The following UQCR10 variants were observed in gnomAD, a reference collection of about 807,000 sequenced individuals.
UQCR10 encodes ubiquinol-cytochrome c reductase, complex III subunit X, also known as cytochrome b-c1 complex subunit 9.
UQCR10 carries 5 observed loss-of-function variants against 6.0 expected under a neutral mutation model. That is an observed-to-expected ratio of 0.83 (90% CI 0.43 to 1.74). The LOEUF (loss-of-function observed/expected upper bound fraction) is 1.74. UQCR10 is among the 40% of genes most tolerant of loss of function. UQCR10 has a pLI of 0.02. For synonymous variants in UQCR10, 40 were observed against 37.4 expected, an observed-to-expected ratio of 1.07 and a Z score of -0.26; for missense variants, 101 against 85.1, an observed-to-expected ratio of 1.19 and a Z score of -0.74.
At position 29,767,485 on chromosome 22, in the gene UQCR10, C is replaced by T; in HGVS notation, c.87C>T (p.Val29=). 1 of 1,614,020 alleles carries T rather than the reference C, an allele frequency of 6.2e-7. No homozygotes were observed. ...TCGCCCTCACCATCATCGTGGGCGT[C>T]ATGTTCTTCGAGCGCGCCTTCGATC... ...STFALTIIVG[V]MFFERAFDQG... The change falls in exon 1 of 2, where the codon GTC becomes GTT. Residue 29 remains valine, a synonymous_variant. Coordinates refer to ENST00000330029, the MANE Select transcript of UQCR10 (RefSeq NM_013387.4).
rs1417655407 is a variant in UQCR10, at chr22:29,770,204, C to G, written c.*485C>G. The G allele has an allele frequency of 5.6e-6, 2 of 354,298 alleles. No homozygotes were observed. The highest frequency in any genetic ancestry group is 2.1e-5 in the African/African-American group (1 of 46,678). The allele number at this position is 354,298 out of a possible 1,614,324, so 21.9% of individuals were successfully genotyped here. A position where few individuals can be genotyped will look rare whatever the true frequency, so the allele number is the denominator to read the frequency against. On this transcript the variant is annotated 3_prime_UTR_variant, in exon 2 of 2. Transcript: ENST00000330029. Reference sequence around the variant, plus strand: ...CCATGGGGAAGCACTATGGCCTCAGCTGGGGGAAAGACCCTGGCCTAGGGG... The same window carrying G: ...CCATGGGGAAGCACTATGGCCTCAGGTGGGGGAAAGACCCTGGCCTAGGGG...
Position 29,767,407 on chromosome 22 carries a change from C to G in UQCR10, c.9C>G (p.Ala3=). MA[A]ATLTSKLYSL... Reference sequence around the variant, plus strand: ...TTGGACTGTGAAGAAACATGGCGGCCGCGACGTTGACTTCGAAATTGTACT... The same window carrying G: ...TTGGACTGTGAAGAAACATGGCGGCGGCGACGTTGACTTCGAAATTGTACT... The change falls in exon 1 of 2, where the codon GCC becomes GCG. Residue 3 remains alanine, a synonymous_variant. Transcript: ENST00000330029. 3.1e-6 allele frequency: 5 copies of G among 1,612,860 alleles called. No individual in the cohort carries two copies. Among genetic ancestry groups the G allele is most frequent in the African/African-American group, 2.7e-5 (2 of 75,036 alleles).
chr22:29,768,118 C>T (rs893772817), intron 1 of UQCR10, among the ~76,000 whole-genome samples: 1 of 152,176 alleles, frequency 6.6e-6, no homozygotes, highest in Admixed American at 6.5e-5. Flanking sequence ...GAGCAAGTTT[C>T]TTCTCTGAAC....
chr22:29,769,619 T>C, intron 1 of UQCR10, 59 bp from the exon 2 acceptor site: 1 of 1,543,384 alleles, frequency 6.5e-7, no homozygotes, highest in East Asian at 2.4e-5. Flanking sequence ...GCAGTGGGAG[T>C]AGTTGTAAAA....
chr22:29,769,583 C>T, intron 1 of UQCR10, 95 bp from the exon 2 acceptor site: 2 of 1,354,604 alleles, frequency 1.5e-6, no homozygotes, highest in Admixed American at 2.2e-5. Context: ...GCATGTGTTT[C>T]CCCCAAGCTC....
rs1569344787 is a variant in UQCR10, at chr22:29,769,895, GA to G, written c.*178del. 1 of 779,552 alleles carries G rather than the reference GA, an allele frequency of 1.3e-6. No homozygotes were observed. The highest frequency in any genetic ancestry group is 2.2e-6 in the Non-Finnish European group (1 of 450,072). 48.3% of individuals were successfully genotyped at this position (779,552 alleles called of 1,614,324 possible). On this transcript the variant is annotated 3_prime_UTR_variant, in exon 2 of 2. Transcript: ENST00000330029. ...AGACTCTTTACCTTCTGCTGTGTTT[GA>G]AGTATGTTTAGTCAGCATGCTCAGG...
rs1368613531 is a variant in UQCR10 at position 29,769,606 on chromosome 22, A to G, written c.151-72A>G. 6 of 1,457,050 alleles carry G rather than the reference A, an allele frequency of 4.1e-6. No homozygotes were observed. In the Admixed American group the frequency reaches 1.2e-4, roughly 30 times the overall value. The allele number at this position is 1,457,050 out of a possible 1,614,324, so 90.3% of individuals were successfully genotyped here. On this transcript the variant is annotated intron_variant, in intron 1 of 1. Transcript: ENST00000330029. ...TTCCCCCAAGCTCATTTTAGAGACC[A>G]GGGCAGTGGGAGTAGTTGTAAAATG...
rs1273603511 is a variant in UQCR10 at position 29,767,453 on chromosome 22, T to G, written c.55T>G (p.Ser19Ala). 3.1e-6 allele frequency: 5 copies of G among 1,613,996 alleles called. No individual in the cohort carries two copies. The East Asian group carries it at 1.1e-4, about 36-fold the overall frequency. Residue 19 changes from serine (S) to alanine (A), a missense_variant, in exon 1 of 2, where the codon TCC becomes GCC. Physicochemically the swap from Ser to Ala is moderately conservative, Grantham distance 99 (BLOSUM62 1). Transcript: ENST00000330029. ...KLYSLLFRRTSTFALTIIVGV... is the reference protein window; with the variant it reads ...KLYSLLFRRTATFALTIIVGV... ...GTACTCCCTGCTGTTCCGCAGGACC[T>G]CCACCTTCGCCCTCACCATCATCGT... is the stretch of plus-strand genomic sequence containing the variant.
At position 29,770,262 on chromosome 22, in the gene UQCR10, AG is replaced by A; in HGVS notation, c.*547del. The A allele has an allele frequency of 3.6e-6, 1 of 278,628 alleles. No homozygotes were observed. The highest frequency in any genetic ancestry group is 4.6e-5 in the Admixed American group (1 of 21,708). The allele number at this position is 278,628 out of a possible 1,614,324, so 17.3% of individuals were successfully genotyped here. ...CACTCCCCACCCTAGGGTATAGTTC[AG>A]GGGTATCCAATCCTTTGGCTTCCCT... is the stretch of plus-strand genomic sequence containing the variant. On this transcript the variant is annotated 3_prime_UTR_variant, in exon 2 of 2. Coordinates refer to ENST00000330029, the MANE Select transcript of UQCR10 (RefSeq NM_013387.4).
Position 29,767,379 on chromosome 22 carries a change from G to A in UQCR10, c.-20G>A. 2 of 1,423,204 alleles carry A rather than the reference G, an allele frequency of 1.4e-6. No homozygotes were observed. Among genetic ancestry groups the A allele is most frequent in the South Asian group, 1.1e-5 (1 of 87,866 alleles). 88.2% of individuals were successfully genotyped at this position (1,423,204 alleles called of 1,614,324 possible). A position where few individuals can be genotyped will look rare whatever the true frequency, so the allele number is the denominator to read the frequency against. ...GGCCCCAGCGCAGGCGCGGTGGCGC[G>A]AGTTGGACTGTGAAGAAACATGGCG... On this transcript the variant is annotated 5_prime_UTR_variant, in exon 1 of 2. Coordinates refer to ENST00000330029, the MANE Select transcript of UQCR10 (RefSeq NM_013387.4).
Position 29,769,875 on chromosome 22 carries a change from CT to C in UQCR10, c.*159del. The C allele has an allele frequency of 1.2e-6, 1 of 840,002 alleles. No homozygotes were observed. The highest frequency in any genetic ancestry group is 2.0e-6 in the Non-Finnish European group (1 of 502,266). The allele number at this position is 840,002 out of a possible 1,614,324, so 52.0% of individuals were successfully genotyped here. On this transcript the variant is annotated 3_prime_UTR_variant, in exon 2 of 2. Coordinates refer to ENST00000330029, the MANE Select transcript of UQCR10 (RefSeq NM_013387.4). ...AACGGCTTTACTTACAAAACAGACT[CT>C]TTACCTTCTGCTGTGTTTGAAGTAT...
rs2068252722 is a variant in UQCR10 at position 29,770,022 on chromosome 22, C to T, written c.*303C>T. 1.8e-6 allele frequency: 1 copy of T among 548,568 alleles called. No individual in the cohort carries two copies. Among genetic ancestry groups the T allele is most frequent in the Non-Finnish European group, 3.5e-6 (1 of 289,764 alleles). The allele number at this position is 548,568 out of a possible 1,614,324, so 34.0% of individuals were successfully genotyped here. A position where few individuals can be genotyped will look rare whatever the true frequency, so the allele number is the denominator to read the frequency against. ...AGTAATTTGAGACCACTTCAAAGCCCTCTGCAAACACCCCAAAGGCAGAAT... is the reference window on the plus strand; with the variant it reads ...AGTAATTTGAGACCACTTCAAAGCCTTCTGCAAACACCCCAAAGGCAGAAT... On this transcript the variant is annotated 3_prime_UTR_variant, in exon 2 of 2. Transcript: ENST00000330029.
At chr22:29,769,496 CA>C (rs952095644) in intron 1 of UQCR10, among the ~76,000 whole-genome samples, 181 bp from the exon 2 acceptor site, 3 of 148,910 alleles carry the variant, frequency 2.0e-5, no homozygotes, top group African/African-American at 4.9e-5. Context: ...GTCTCCGTCT[CA>C]AAAAAAAAAT....
chr22:29,767,510 C>G lies in UQCR10; in HGVS notation c.112C>G (p.Gln38Glu), dbSNP rs377432442. The G allele has an allele frequency of 3.2e-5, 51 of 1,613,976 alleles. No homozygotes were observed. In the African/African-American group the frequency reaches 5.2e-4, roughly 16 times the overall value. ...CATGTTCTTCGAGCGCGCCTTCGAT[C>G]AAGGCGCGGACGCTATCTACGACCA... ...GVMFFERAFD[Q>E]GADAIYDHIN... The change falls in exon 1 of 2, where the codon CAA (glutamine) becomes GAA (glutamate). Residue 38 changes from glutamine (Q) to glutamate (E), a missense_variant. Physicochemically the swap from Gln to Glu is conservative, Grantham distance 29. Transcript: ENST00000330029.
chr22:29,769,665 C>CT lies in UQCR10; in HGVS notation c.151-10dup, dbSNP rs2068249471. ...AAAGGTCAAAGTTTGTGGCTCTTGTCTTTAAAATGCAGAAGCTGTGGAAAC... is the reference window on the plus strand; with the variant it reads ...AAAGGTCAAAGTTTGTGGCTCTTGTCTTTTAAAATGCAGAAGCTGTGGAAAC... On this transcript the variant is annotated splice_polypyrimidine_tract_variant and intron_variant, in intron 1 of 1. Coordinates refer to ENST00000330029, the MANE Select transcript of UQCR10 (RefSeq NM_013387.4). 6.2e-7 allele frequency: 1 copy of CT among 1,605,640 alleles called. No homozygotes were observed. Among genetic ancestry groups the CT allele is most frequent in the East Asian group, 2.2e-5 (1 of 44,636 alleles).
intron 1 of UQCR10, among the ~76,000 whole-genome samples, chr22:29,769,372 C>G (rs2068247845): frequency 6.6e-6 from 1 of 152,130 alleles, no homozygotes; most frequent in South Asian, 2.1e-4. Context: ...TAGCGCATAC[C>G]TGTATTCCCA....
At chr22:29,768,635 T>TC (rs1020831437) in intron 1 of UQCR10, among the ~76,000 whole-genome samples, 8 of 152,054 alleles carry the variant, frequency 5.3e-5, no homozygotes, top group African/African-American at 1.9e-4. Flanking sequence ...TTGTTTTGTT[T>TC]TGTTTTTTTG....
chr22:29,769,564 C>A, intron 1 of UQCR10, 114 bp from the exon 2 acceptor site: 2 of 1,157,768 alleles, frequency 1.7e-6, no homozygotes, highest in South Asian at 1.5e-5. Flanking sequence ...TCTTTTTAAT[C>A]AGGACATGGC....
At position 29,769,871 on chromosome 22, in the gene UQCR10, G is replaced by C. The variant is rs1344045174; in HGVS notation, c.*152G>C. ...AAGAAACGGCTTTACTTACAAAACA[G>C]ACTCTTTACCTTCTGCTGTGTTTGA... On this transcript the variant is annotated 3_prime_UTR_variant, in exon 2 of 2. Transcript: ENST00000330029. 4 of 868,464 alleles carry C rather than the reference G, an allele frequency of 4.6e-6. No homozygotes were observed. Among genetic ancestry groups the C allele is most frequent in the Non-Finnish European group, 7.6e-6 (4 of 527,730 alleles). 53.8% of individuals were successfully genotyped at this position (868,464 alleles called of 1,614,324 possible). A position where few individuals can be genotyped will look rare whatever the true frequency, so the allele number is the denominator to read the frequency against.
Sources: gnomAD v4.1 joint callset for allele counts (sites outside exome capture counted in the v4.1 genomes callset) on GRCh38, gnomAD v4.1.1 for gene constraint, MANE v1.5 for transcripts, NCBI Gene and HGNC (gene_info 2026-07-23, HGNC 2026-07-21) for gene names.